ARHGAP39: variants seen among roughly 807,000 people sequenced by gnomAD.
ARHGAP39 encodes the protein Rho GTPase activating protein 39, also known as rho GTPase-activating protein 39.
A neutral mutation model predicts 106.9 loss-of-function variants in ARHGAP39; 44 were observed. The ratio of observed to expected loss-of-function variants is 0.41; its 90% CI spans 0.32 to 0.53. ARHGAP39 has a LOEUF of 0.53. ARHGAP39 is among the 20% of genes least tolerant of loss of function. The pLI is 0.21. For missense variants in ARHGAP39, 1,496 were observed against 1,577.3 expected (o/e 0.95, Z 0.87); for synonymous variants, 768 against 693.2 (o/e 1.11, Z -1.69).
chr8:144,545,788 G>A lies in ARHGAP39; in HGVS notation c.1982C>T (p.Ala661Val), dbSNP rs770889582. 3.8e-6 allele frequency: 6 copies of A among 1,569,840 alleles called. No individual in the cohort carries two copies. The highest frequency in any genetic ancestry group is 3.5e-5 in the Admixed American group (2 of 57,970). The change falls in exon 6 of 12, where the codon GCC becomes GTC. Residue 661 changes from alanine (A) to valine (V), a missense_variant. Around this residue, in one of 4 missense-constraint regions of ARHGAP39, gnomAD observed 905 missense variants for 816.4 expected, o/e 1.11. Transcript: ENST00000377307. ...PSQSEDLAAC[A>V]QFESSRQSRS... is the part of the protein sequence containing the mutation. Reference sequence around the variant, plus strand: ...GCTCTGCCGGCTGCTCTCGAACTGGGCACAGGCAGCGAGGTCCTCAGACTG... The same window carrying A: ...GCTCTGCCGGCTGCTCTCGAACTGGACACAGGCAGCGAGGTCCTCAGACTG...
At chr8:144,685,013 C>T (rs552546887) in intron 1 of ARHGAP39, among the ~76,000 whole-genome samples, 1 of 152,324 alleles carries the variant, frequency 6.6e-6, no homozygotes, top group African/African-American at 2.4e-5. Flanking sequence ...TGTCCCCACT[C>T]CGACGGCGCC....
intron 1 of ARHGAP39, among the ~76,000 whole-genome samples, chr8:144,652,065 G>A (rs891434430): frequency 2.0e-5 from 3 of 152,062 alleles, no homozygotes; most frequent in Non-Finnish European, 4.4e-5. Flanking sequence ...AGCAAAAGTT[G>A]ATAAATGAGA....
At chr8:144,680,454 A>AG (rs1322198089) in intron 1 of ARHGAP39, among the ~76,000 whole-genome samples, 1 of 152,212 alleles carries the variant, frequency 6.6e-6, no homozygotes, top group Non-Finnish European at 1.5e-5. Context: ...GGAGTCTGCC[A>AG]GGGGGCTGCA....
intron 1 of ARHGAP39, among the ~76,000 whole-genome samples, chr8:144,639,634 C>CT (rs1821261441): frequency 2.6e-5 from 4 of 151,940 alleles, no homozygotes; most frequent in African/African-American, 9.7e-5. Context: ...ACAAAACCAA[C>CT]ATTTTAACAA....
In ARHGAP39 at chr8:144,545,547, C is replaced by T; in HGVS notation, c.2223G>A (p.Lys741=). ...TCAGCTTGAAGAGCTCGCAGGCCTC[C>T]TTCTTCACGTGCCGGTCGCTTGTCA... ...MIVTSDRHVK[K]EACELFKLIQ... is the part of the protein sequence containing the mutation. Residue 741 remains lysine (K), a synonymous_variant, in exon 6 of 12, where the codon AAG becomes AAA. Coordinates refer to ENST00000377307, the MANE Select transcript of ARHGAP39 (RefSeq NM_025251.3). The T allele has an allele frequency of 6.2e-7, 1 of 1,613,734 alleles. No individual in the cohort carries two copies. The highest frequency in any genetic ancestry group is 8.5e-7 in the Non-Finnish European group (1 of 1,179,992).
rs115294472 is a variant in ARHGAP39 at position 144,600,418 on chromosome 8, C to T, written c.80+5117G>A. 2.0e-3 allele frequency among the ~76,000 whole-genome samples: 269 copies of T among 135,938 alleles called. 1 individual carries two copies. Among genetic ancestry groups the T allele is most frequent in the African/African-American group, 7.6e-3 (261 of 34,456 alleles). The allele number at this position is 135,938 out of a possible 152,430, so 89.2% of individuals were successfully genotyped here. On this transcript the variant is annotated intron_variant, in intron 2 of 11. Coordinates refer to ENST00000377307, the MANE Select transcript of ARHGAP39 (RefSeq NM_025251.3). ...GAGGCGTGTGTGTGCACTTGTGTAC[C>T]TGAGTGTGCGTGTTCGTGGAGGCGT...
intron 3 of ARHGAP39, among the ~76,000 whole-genome samples, chr8:144,566,348 G>C (rs1279390100): frequency 6.6e-6 from 1 of 152,088 alleles, no homozygotes; most frequent in Non-Finnish European, 1.5e-5. Flanking sequence ...TGGATCGCTT[G>C]AGTCCAAGAG....
chr8:144,598,156 C>T (rs1263648321), intron 2 of ARHGAP39, among the ~76,000 whole-genome samples: 1 of 152,154 alleles, frequency 6.6e-6, no homozygotes, highest in Admixed American at 6.5e-5. Context: ...TGGACACCTG[C>T]GGGGCCCTTT....
At chr8:144,577,263 A>C (rs1818811088) in intron 3 of ARHGAP39, among the ~76,000 whole-genome samples, 1 of 152,200 alleles carries the variant, frequency 6.6e-6, no homozygotes, top group Admixed American at 6.5e-5. Context: ...TGACAACCGG[A>C]ATACACGCTC....
chr8:144,553,266 T>C (rs1044436501), intron 4 of ARHGAP39, among the ~76,000 whole-genome samples: 3 of 152,200 alleles, frequency 2.0e-5, no homozygotes, highest in Non-Finnish European at 4.4e-5. Flanking sequence ...GCCCTCTCAC[T>C]GACTCCCCAA....
chr8:144,532,095 G>A (rs565652561), intron 10 of ARHGAP39, among the ~76,000 whole-genome samples: 4 of 151,638 alleles, frequency 2.6e-5, no homozygotes, highest in Non-Finnish European at 5.9e-5. Context: ...GGTGGGGAGT[G>A]GGCTGCATTG....
Position 144,642,449 on chromosome 8 carries a change from C to T in ARHGAP39, c.-81-36754G>A, listed in dbSNP as rs550317095. Among the ~76,000 whole-genome samples, 20 of 151,692 alleles carry T rather than the reference C, an allele frequency of 1.3e-4. 1 individual carries two copies. In the South Asian group the frequency reaches 2.1e-3, roughly 16 times the overall value. Reference sequence around the variant, plus strand: ...CTGCAGTGAGCTGACATCATGCTACCACACTCCAGCCTGGGTGACAGAGTG... The same window carrying T: ...CTGCAGTGAGCTGACATCATGCTACTACACTCCAGCCTGGGTGACAGAGTG... On this transcript the variant is annotated intron_variant, in intron 1 of 11. Coordinates refer to ENST00000377307, the MANE Select transcript of ARHGAP39 (RefSeq NM_025251.3).
chr8:144,667,560 G>C (rs761937462), intron 1 of ARHGAP39, among the ~76,000 whole-genome samples: 5 of 152,202 alleles, frequency 3.3e-5, no homozygotes, highest in Admixed American at 1.3e-4. Flanking sequence ...CCCGGCACCT[G>C]GGACATCTTC....
chr8:144,629,089 C>T (rs1820997749), intron 1 of ARHGAP39, among the ~76,000 whole-genome samples: 1 of 152,230 alleles, frequency 6.6e-6, no homozygotes, highest in Non-Finnish European at 1.5e-5. Context: ...ATCTTACTAA[C>T]TTGGAAACGT....
chr8:144,599,718 A>G (rs1819772246), intron 2 of ARHGAP39, among the ~76,000 whole-genome samples: 1 of 152,226 alleles, frequency 6.6e-6, no homozygotes, highest in African/African-American at 2.4e-5. Context: ...CATAATGAAG[A>G]AAAGAGAAAG....
intron 4 of ARHGAP39, among the ~76,000 whole-genome samples, chr8:144,554,600 C>A (rs1367571820): frequency 6.6e-6 from 1 of 152,190 alleles, no homozygotes; most frequent in East Asian, 1.9e-4. Flanking sequence ...TGACCAGAGC[C>A]AGGACCTGAT....
intron 5 of ARHGAP39, among the ~76,000 whole-genome samples, 167 bp from the exon 6 acceptor site, chr8:144,545,977 G>A (rs1383581980): frequency 1.3e-5 from 2 of 152,216 alleles, no homozygotes; most frequent in African/African-American, 4.8e-5. Flanking sequence ...AGGCCCAGGG[G>A]AGCCCAGCCC....
intron 2 of ARHGAP39, among the ~76,000 whole-genome samples, chr8:144,593,846 T>C (rs1254531221): frequency 1.3e-5 from 2 of 152,030 alleles, no homozygotes; most frequent in African/African-American, 4.8e-5. Context: ...TCTCAGCACT[T>C]TGAGAGGCCA....
intron 2 of ARHGAP39, among the ~76,000 whole-genome samples, chr8:144,593,611 G>A (rs115754680): frequency 0.025 from 3,852 of 152,134 alleles, 172 homozygotes; most frequent in African/African-American, 0.088. Context: ...GTGGCCACCC[G>A]AGAGAGTGAA....
Sources: allele counts gnomAD v4.1 joint callset (sites outside exome capture counted in the v4.1 genomes callset), GRCh38; gene constraint gnomAD v4.1.1; regional missense constraint gnomAD v4.1.1; transcripts MANE v1.5; gene names NCBI Gene and HGNC (gene_info 2026-07-23, HGNC 2026-07-21).